Variants in KIF26B observed in about 807,000 individuals in gnomAD.
KIF26B encodes kinesin-like protein KIF26B.
A neutral mutation model predicts 151.2 loss-of-function variants in KIF26B; 63 were observed. That is an observed-to-expected ratio of 0.42 (90% CI 0.34 to 0.51). The LOEUF is 0.51. Among genes scored for constraint, KIF26B ranks in the 20% least tolerant of loss-of-function variants. KIF26B has a pLI of 0.07. For missense variants in KIF26B, 2,813 were observed against 2,913.6 expected, an observed-to-expected ratio of 0.97 and a Z score of 0.79; for synonymous variants, 1,357 against 1,262.1, an observed-to-expected ratio of 1.08 and a Z score of -1.59.
In KIF26B at chr1:245,408,352, T is replaced by C. The variant is rs1020088357; in HGVS notation, c.1000-11227T>C. ...TTCAAATGATTCTTAAATGATTCTT[T>C]TTTTTTTTTTTTTTTTTTTTGAAAC... On this transcript the variant is annotated intron_variant, in intron 3 of 14. Coordinates refer to ENST00000407071, the MANE Select transcript of KIF26B (RefSeq NM_018012.4). 0.019 allele frequency among the ~76,000 whole-genome samples: 1,665 copies of C among 87,966 alleles called. 62 individuals carry two copies. The African/African-American group carries it at 0.19, about 10-fold the overall frequency. 57.7% of individuals were successfully genotyped at this position (87,966 alleles called of 152,430 possible). A position where few individuals can be genotyped will look rare whatever the true frequency, so the allele number is the denominator to read the frequency against.
intron 4 of KIF26B, among the ~76,000 whole-genome samples, chr1:245,522,152 A>C (rs1295474256): frequency 1.3e-5 from 2 of 152,026 alleles, no homozygotes; most frequent in Non-Finnish European, 2.9e-5. Flanking sequence ...TACAGGTGTG[A>C]GCCACCGCGC....
chr1:245,532,853 G>A (rs1476198025), intron 4 of KIF26B, among the ~76,000 whole-genome samples: 2 of 152,136 alleles, frequency 1.3e-5, no homozygotes, highest in East Asian at 3.9e-4. Context: ...AAAATACAAA[G>A]GTGAAGGTGG....
chr1:245,393,068 G>A (rs1347927770), intron 3 of KIF26B, among the ~76,000 whole-genome samples: 1 of 152,152 alleles, frequency 6.6e-6, no homozygotes, highest in Admixed American at 6.5e-5. Flanking sequence ...CTACTCGGGA[G>A]GCTGAGGCAG....
At chr1:245,255,077 A>T (rs1670508446) in intron 2 of KIF26B, among the ~76,000 whole-genome samples, 1 of 152,058 alleles carries the variant, frequency 6.6e-6, no homozygotes, top group African/African-American at 2.4e-5. Flanking sequence ...TATCTTGGGA[A>T]TTATCTTGGG....
chr1:245,594,920 CTT>C (rs1481300781), intron 5 of KIF26B, among the ~76,000 whole-genome samples: 1 of 152,068 alleles, frequency 6.6e-6, no homozygotes, highest in Non-Finnish European at 1.5e-5. Flanking sequence ...ATTTTATTCT[CTT>C]TGTAGCAATT....
intron 2 of KIF26B, among the ~76,000 whole-genome samples, chr1:245,226,969 G>A (rs754973377): frequency 2.0e-5 from 3 of 152,118 alleles, no homozygotes; most frequent in African/African-American, 4.8e-5. Flanking sequence ...CCAGTGCCAC[G>A]GTCCTGCTTT....
Position 245,706,157 on chromosome 1 carries a change from T to A in KIF26B, c.*3551T>A, listed in dbSNP as rs1480365105. 14 of 152,208 alleles carry A rather than the reference T, an allele frequency of 9.2e-5. No individual in the cohort carries two copies. The highest frequency in any genetic ancestry group is 7.2e-4 in the Admixed American group (11 of 15,284). The allele number at this position is 152,208 out of a possible 1,614,324, so 9.4% of individuals were successfully genotyped here. A position where few individuals can be genotyped will look rare whatever the true frequency, so the allele number is the denominator to read the frequency against. ...CAACTTGAAGTCTATTATGTTCTTATAAGGCGGTAGTGACTTCAGTCCAGC... is the reference window on the plus strand; with the variant it reads ...CAACTTGAAGTCTATTATGTTCTTAAAAGGCGGTAGTGACTTCAGTCCAGC... On this transcript the variant is annotated 3_prime_UTR_variant, in exon 15 of 15. Coordinates refer to ENST00000407071, the MANE Select transcript of KIF26B (RefSeq NM_018012.4).
At chr1:245,557,903 C>T (rs1339070443) in intron 5 of KIF26B, among the ~76,000 whole-genome samples, 1 of 152,144 alleles carries the variant, frequency 6.6e-6, no homozygotes, top group Non-Finnish European at 1.5e-5. Flanking sequence ...GGAATAGCAG[C>T]TGTTACTAGG....
At chr1:245,363,916 G>A (rs1672878926) in intron 2 of KIF26B, among the ~76,000 whole-genome samples, 1 of 152,206 alleles carries the variant, frequency 6.6e-6, no homozygotes. Flanking sequence ...TGTGAGTGGA[G>A]GACAGCTGTG....
chr1:245,462,621 C>T (rs901010474), intron 4 of KIF26B, among the ~76,000 whole-genome samples: 1 of 152,176 alleles, frequency 6.6e-6, no homozygotes, highest in South Asian at 2.1e-4. Context: ...TTAGCGATGA[C>T]AGCCACCCTG....
rs1250159968 is a variant in KIF26B at position 245,218,447 on chromosome 1, TAAAAG to T, written c.465+61767_465+61771del. 2.0e-5 allele frequency among the ~76,000 whole-genome samples: 3 copies of T among 152,128 alleles called. No individual in the cohort carries two copies. The highest frequency in any genetic ancestry group is 4.8e-5 in the African/African-American group (2 of 41,492). The stretch of plus-strand genomic sequence containing the variant: ...TTTACCTGTCCACCCATCTGAGAGA[TAAAAG>T]AAGAGCAGAGGAGGGTGAGTGAGGA... On this transcript the variant is annotated intron_variant, in intron 2 of 14. Transcript: ENST00000407071. The surrounding 1 kb of genome is among the most constrained non-coding windows in gnomAD (Gnocchi z 4.1).
At chr1:245,397,059 A>G (rs1673864380) in intron 3 of KIF26B, among the ~76,000 whole-genome samples, 1 of 151,486 alleles carries the variant, frequency 6.6e-6, no homozygotes. Context: ...CCCTAGGCTC[A>G]AGCAATCCTC....
chr1:245,622,654 T>G (rs1025960517), intron 9 of KIF26B, among the ~76,000 whole-genome samples: 2 of 152,178 alleles, frequency 1.3e-5, no homozygotes, highest in Non-Finnish European at 2.9e-5. Flanking sequence ...CATCTCTGCC[T>G]TTGCCATTTT....
At chr1:245,427,050 T>G (rs1236464968) in intron 4 of KIF26B, among the ~76,000 whole-genome samples, 1 of 152,216 alleles carries the variant, frequency 6.6e-6, no homozygotes, top group African/African-American at 2.4e-5. Context: ...TTTGTTCTTC[T>G]GTCAGGTACA....
intron 3 of KIF26B, among the ~76,000 whole-genome samples, chr1:245,401,035 A>G (rs1160488467): frequency 6.6e-6 from 1 of 152,180 alleles, no homozygotes. Context: ...TTAATTAAAT[A>G]TATTGTAAAT....
In KIF26B at chr1:245,298,096, AG is replaced by A. The variant is rs532731766; in HGVS notation, c.466-68736del. 2.8e-3 allele frequency among the ~76,000 whole-genome samples: 421 copies of A among 152,316 alleles called. 2 individuals are homozygous for A. The highest frequency in any genetic ancestry group is 9.3e-3 in the African/African-American group (388 of 41,568). On this transcript the variant is annotated intron_variant, in intron 2 of 14. Transcript: ENST00000407071. Reference sequence around the variant, plus strand: ...GAGACGGGCTCTCACCATGTTGGCCAGGCTGGTCTCAAACTCCTGACCTCAG... The same window carrying A: ...GAGACGGGCTCTCACCATGTTGGCCAGCTGGTCTCAAACTCCTGACCTCAG...
At chr1:245,296,071 C>T (rs1200202902) in intron 2 of KIF26B, among the ~76,000 whole-genome samples, 1 of 152,132 alleles carries the variant, frequency 6.6e-6, no homozygotes, top group East Asian at 1.9e-4. Flanking sequence ...GGTTGTTTGC[C>T]AGCCTAAAAT....
intron 9 of KIF26B, among the ~76,000 whole-genome samples, chr1:245,643,860 T>A (rs1467228753): frequency 6.6e-6 from 1 of 152,206 alleles, no homozygotes; most frequent in Non-Finnish European, 1.5e-5. Flanking sequence ...AAATCTGCCG[T>A]CATCCTTATC....
At chr1:245,684,423 G>A in intron 11 of KIF26B, 28 bp downstream of exon 11, 1 of 1,552,380 alleles carries the variant, frequency 6.4e-7, no homozygotes, top group African/African-American at 1.4e-5. Context: ...TGGGGGGGTG[G>A]TGGATGAGGG....
Sources: gnomAD v4.1 joint callset for allele counts (sites outside exome capture counted in the v4.1 genomes callset) on GRCh38, gnomAD v4.1.1 for gene constraint, Gnocchi (gnomAD v3.1) non-coding constraint, MANE v1.5 for transcripts, NCBI Gene and HGNC (gene_info 2026-07-23, HGNC 2026-07-21) for gene names.